ARMH4: variants seen among roughly 807,000 people sequenced by gnomAD.
ARMH4 encodes the protein armadillo like helical domain containing 4, also known as armadillo-like helical domain-containing protein 4.
ARMH4 carries 49 observed loss-of-function variants against 61.9 expected under a neutral mutation model. That is an observed-to-expected ratio of 0.79 (90% CI 0.63 to 1.00). The LOEUF (loss-of-function observed/expected upper bound fraction) is 1.00, where lower values mean the gene tolerates loss of function less well. Ranked by LOEUF, ARMH4 falls within the 50% of genes least tolerant of loss-of-function variation. ARMH4 has a pLI of 0.00. For synonymous variants in ARMH4, 368 were observed against 341.5 expected (o/e 1.08, Z -0.85); for missense variants, 934 against 930.0 (o/e 1.00, Z -0.06).
chr14:58,009,175 A>G (rs1264679380), intron 6 of ARMH4, among the ~76,000 whole-genome samples: 6 of 152,298 alleles, frequency 3.9e-5, no homozygotes, highest in African/African-American at 1.4e-4. Flanking sequence ...AGCTGGGTAC[A>G]ACCATGTGGT....
chr14:58,056,841 T>C (rs1330686348), intron 5 of ARMH4, among the ~76,000 whole-genome samples: 1 of 152,206 alleles, frequency 6.6e-6, no homozygotes, highest in Non-Finnish European at 1.5e-5. Flanking sequence ...CTGCCCTAGT[T>C]TTCTAGTCTT....
At chr14:58,054,883 A>AAAAAT (rs374230526) in intron 5 of ARMH4, among the ~76,000 whole-genome samples, 2 of 138,444 alleles carry the variant, frequency 1.4e-5, no homozygotes, top group African/African-American at 2.7e-5. Flanking sequence ...AAAAAAAAAA[A>AAAAAT]AATAATAATA....
At chr14:58,112,286 C>CTTTTTTTTTTTTT (rs375451865) in intron 4 of ARMH4, among the ~76,000 whole-genome samples, 1 of 133,404 alleles carries the variant, frequency 7.5e-6, no homozygotes, top group African/African-American at 2.8e-5. Context: ...CTTAATTTTT[C>CTTTTTTTTTTTTT]TTTTTTTTTT....
At chr14:58,068,000 C>T (rs186708667) in intron 5 of ARMH4, among the ~76,000 whole-genome samples, 4 of 152,252 alleles carry the variant, frequency 2.6e-5, no homozygotes, top group Admixed American at 2.0e-4. Flanking sequence ...CATTGAAGCA[C>T]CATTTAAGTG....
chr14:58,093,856 T>G (rs1885656571), intron 5 of ARMH4, among the ~76,000 whole-genome samples: 1 of 152,078 alleles, frequency 6.6e-6, no homozygotes, highest in Admixed American at 6.6e-5. Flanking sequence ...AAACCCACAA[T>G]GCTGAAAACA....
intron 7 of ARMH4, 76 bp from the exon 8 acceptor site, chr14:58,004,880 G>A: frequency 6.5e-7 from 1 of 1,541,330 alleles, no homozygotes; most frequent in Non-Finnish European, 8.9e-7. Flanking sequence ...CACTTTAAAA[G>A]ACATGCTAAC....
chr14:58,136,955 T>C (rs953940854), intron 2 of ARMH4, among the ~76,000 whole-genome samples: 1 of 152,218 alleles, frequency 6.6e-6, no homozygotes, highest in African/African-American at 2.4e-5. Context: ...TAGTTAATAC[T>C]ATGAGATAAC....
chr14:58,096,939 T>C lies in ARMH4; in HGVS notation c.1874A>G (p.Asp625Gly), dbSNP rs759201414. 8.7e-6 allele frequency: 14 copies of C among 1,612,884 alleles called. No individual in the cohort carries two copies. The highest frequency in any genetic ancestry group is 6.7e-5 in the East Asian group (3 of 44,890). ...DEDEEDEEDE[D>G]EEEEDEEEDE... ...TTCTTCCTCATCTTCCTCTTCTTCATCTTCATCTTCTTCATCCTCTTCATC... is the reference window on the plus strand; with the variant it reads ...TTCTTCCTCATCTTCCTCTTCTTCACCTTCATCTTCTTCATCCTCTTCATC... Residue 625 changes from aspartate (D) to glycine (G), a missense_variant, in exon 5 of 8, where the codon GAT (aspartate) becomes GGT (glycine). Asp to Gly is a moderately conservative substitution (Grantham distance 94). Coordinates refer to ENST00000267485, the MANE Select transcript of ARMH4 (RefSeq NM_001001872.4).
At position 58,014,750 on chromosome 14, in the gene ARMH4, G is replaced by C. The variant is rs1370503505; in HGVS notation, c.2090-2600C>G. 2.0e-5 allele frequency among the ~76,000 whole-genome samples: 3 copies of C among 152,240 alleles called. No homozygotes were observed. The East Asian group carries it at 5.8e-4, about 29-fold the overall frequency. On this transcript the variant is annotated intron_variant, in intron 5 of 7. Coordinates refer to ENST00000267485, the MANE Select transcript of ARMH4 (RefSeq NM_001001872.4). ...TAAGACCTAATTCCAGTGAGAAAGGGGTTAGGCCACCAAGTCTATAAGAAG... is the reference window on the plus strand; with the variant it reads ...TAAGACCTAATTCCAGTGAGAAAGGCGTTAGGCCACCAAGTCTATAAGAAG...
intron 4 of ARMH4, among the ~76,000 whole-genome samples, chr14:58,128,992 C>T (rs1242052620): frequency 1.3e-5 from 2 of 152,174 alleles, no homozygotes; most frequent in Admixed American, 6.5e-5. Flanking sequence ...GTCATGCTGC[C>T]TCAAGCCAAG....
In ARMH4 at chr14:58,009,827, AAGAG is replaced by A. The variant is rs1325956245; in HGVS notation, c.2121+2288_2121+2291del. On this transcript the variant is annotated intron_variant, in intron 6 of 7. Coordinates refer to ENST00000267485, the MANE Select transcript of ARMH4 (RefSeq NM_001001872.4). ...CTCTGCAAAAAAAAAAAAAAAAAAA[AAGAG>A]AGAGAGAGAGAGATAACAAACTTCT... 1.9e-4 allele frequency among the ~76,000 whole-genome samples: 25 copies of A among 131,716 alleles called. No homozygotes were observed. The South Asian group carries it at 2.8e-3, about 15-fold the overall frequency. 86.4% of individuals were successfully genotyped at this position (131,716 alleles called of 152,430 possible). A position where few individuals can be genotyped will look rare whatever the true frequency, so the allele number is the denominator to read the frequency against.
At position 58,138,785 on chromosome 14, in the gene ARMH4, AT is replaced by A; in HGVS notation, c.573del (p.Phe192LeufsTer19). The A allele has an allele frequency of 6.2e-7, 1 of 1,614,220 alleles. No homozygotes were observed. The highest frequency in any genetic ancestry group is 1.1e-5 in the South Asian group (1 of 91,084). On this transcript the variant is annotated frameshift_variant, in exon 2 of 8. Coordinates refer to ENST00000267485, the MANE Select transcript of ARMH4 (RefSeq NM_001001872.4). LOFTEE classifies it high-confidence loss of function. ...ACTCCTTCCTGACTTTCAGTTGCAA[AT>A]GATTGATTATCCATATACTTCAGAA... ...KGFLKYMDNQ[S>X]FATESQEGVG...
intron 2 of ARMH4, among the ~76,000 whole-genome samples, chr14:58,136,302 A>C (rs1333311129): frequency 6.6e-6 from 1 of 152,194 alleles, no homozygotes; most frequent in African/African-American, 2.4e-5. Context: ...AGTTTAGTAC[A>C]TAAGAATCAT....
In ARMH4 at chr14:58,019,439, T is replaced by C. The variant is rs149694022; in HGVS notation, c.2090-7289A>G. On this transcript the variant is annotated intron_variant, in intron 5 of 7. Transcript: ENST00000267485. ...TAATTTTTTTATAAAAAAGTAGTCA[T>C]GGGTTATTAAAAATAGATCCTCTCT... 1.2e-3 allele frequency among the ~76,000 whole-genome samples: 178 copies of C among 152,324 alleles called. 2 individuals are homozygous for C. Among genetic ancestry groups the C allele is most frequent in the Admixed American group, 8.3e-3 (127 of 15,298 alleles).
chr14:58,028,934 A>G (rs1883115576), intron 5 of ARMH4, among the ~76,000 whole-genome samples: 1 of 152,226 alleles, frequency 6.6e-6, no homozygotes, highest in Non-Finnish European at 1.5e-5. Context: ...TTCACATAAC[A>G]TAAAATTGAC....
intron 5 of ARMH4, among the ~76,000 whole-genome samples, chr14:58,042,336 C>T (rs1282843515): frequency 6.6e-6 from 1 of 152,192 alleles, no homozygotes; most frequent in East Asian, 1.9e-4. Flanking sequence ...GAACAAACTG[C>T]TCCTGAGTGA....
At chr14:58,064,898 GT>G (rs1884652788) in intron 5 of ARMH4, among the ~76,000 whole-genome samples, 1 of 152,180 alleles carries the variant, frequency 6.6e-6, no homozygotes. Flanking sequence ...GTACATCTAG[GT>G]AATGCTGGAT....
intron 5 of ARMH4, among the ~76,000 whole-genome samples, chr14:58,031,977 C>CAA (rs1257620727): frequency 1.3e-5 from 2 of 152,180 alleles, no homozygotes; most frequent in African/African-American, 2.4e-5. Flanking sequence ...GACCTTCACT[C>CAA]AGTTTCTAAG....
chr14:58,115,470 G>C (rs550923898), intron 4 of ARMH4, among the ~76,000 whole-genome samples: 40 of 152,318 alleles, frequency 2.6e-4, no homozygotes, highest in Non-Finnish European at 5.1e-4. Flanking sequence ...GTACACTGTG[G>C]ATGGGAATGC....
Sources: gnomAD v4.1 joint callset for allele counts (sites outside exome capture counted in the v4.1 genomes callset) on GRCh38, gnomAD v4.1.1 for gene constraint, MANE v1.5 for transcripts, NCBI Gene and HGNC (gene_info 2026-07-23, HGNC 2026-07-21) for gene names.